ARHGEF4: variants seen among roughly 807,000 people sequenced by gnomAD.
The protein encoded by ARHGEF4 is Rho guanine nucleotide exchange factor 4.
A neutral mutation model predicts 162.0 loss-of-function variants in ARHGEF4; 119 were observed. The observed-to-expected ratio is 0.73, with a 90% CI of 0.63 to 0.86. ARHGEF4 has a LOEUF of 0.86. Among genes scored for constraint, ARHGEF4 ranks in the 40% least tolerant of loss-of-function variants. The pLI is 0.00. For missense variants in ARHGEF4, 2,488 were observed against 2,456.0 expected (o/e 1.01, Z -0.28); for synonymous variants, 1,014 against 979.9 (o/e 1.03, Z -0.65).
chr2:130,994,705 G>A (rs1558823842), intron 4 of ARHGEF4, among the ~76,000 whole-genome samples: 1 of 152,130 alleles, frequency 6.6e-6, no homozygotes, highest in Admixed American at 6.5e-5. Flanking sequence ...GAAACCTAGT[G>A]TTTTCCTTAA....
Position 131,040,270 on chromosome 2 carries a change from C to T in ARHGEF4, c.4492C>T (p.Arg1498Trp), listed in dbSNP as rs1004409437. 6.2e-7 allele frequency: 1 copy of T among 1,612,618 alleles called. No individual in the cohort carries two copies. Among genetic ancestry groups the T allele is most frequent in the Non-Finnish European group, 8.5e-7 (1 of 1,179,602 alleles). ...CCACGTCCGCCCGCAGGGCTACGTC[C>T]GGCAGTGCCGCAAGCGCGCAGACAT... ...HLRDICEGYV[R>W]QCRKRADMFS... Residue 1498 changes from arginine (R) to tryptophan (W), a missense_variant, in exon 8 of 14, where the codon CGG (arginine) becomes TGG (tryptophan). By Grantham distance (101) the Arg-to-Trp change is moderately radical. Around this residue, in one of 6 missense-constraint regions of ARHGEF4, gnomAD observed 415 missense variants for 512.4 expected, o/e 0.81. Transcript: ENST00000409359.
chr2:131,041,166 C>T, intron 8 of ARHGEF4, 64 bp from the exon 9 acceptor site: 5 of 1,484,412 alleles, frequency 3.4e-6, no homozygotes, highest in Non-Finnish European at 1.9e-6. Flanking sequence ...CCTTCCCACA[C>T]ATGCAGCTGG....
chr2:130,852,068 G>C (rs1251152050), intron 1 of ARHGEF4, among the ~76,000 whole-genome samples: 1 of 152,234 alleles, frequency 6.6e-6, no homozygotes, highest in Non-Finnish European at 1.5e-5. Flanking sequence ...TTTACAGTGG[G>C]GGAGATGAGC....
intron 5 of ARHGEF4, among the ~76,000 whole-genome samples, chr2:131,031,880 A>C (rs1211109598): frequency 6.6e-6 from 1 of 152,150 alleles, no homozygotes; most frequent in East Asian, 1.9e-4. Flanking sequence ...CTTTTTCTGA[A>C]GCTAAAGCCA....
intron 1 of ARHGEF4, among the ~76,000 whole-genome samples, chr2:130,890,633 T>A (rs1339502069): frequency 6.6e-6 from 1 of 152,174 alleles, no homozygotes; most frequent in East Asian, 1.9e-4. Flanking sequence ...ACCTATCTTA[T>A]AATTCACTAA....
chr2:130,913,205 T>G (rs1015748551), intron 1 of ARHGEF4, among the ~76,000 whole-genome samples: 9 of 151,404 alleles, frequency 5.9e-5, no homozygotes, highest in African/African-American at 2.2e-4. Context: ...CATTGTGGAG[T>G]TGGAGGGAAG....
intron 1 of ARHGEF4, among the ~76,000 whole-genome samples, chr2:130,908,535 G>A (rs922627829): frequency 1.3e-5 from 2 of 152,148 alleles, no homozygotes; most frequent in African/African-American, 4.8e-5. Context: ...AATTAGCTGG[G>A]CATGGTGGCG....
chr2:130,963,100 C>T (rs1403725345), intron 4 of ARHGEF4, among the ~76,000 whole-genome samples: 1 of 152,228 alleles, frequency 6.6e-6, no homozygotes, highest in African/African-American at 2.4e-5. Flanking sequence ...AAACTCCTGG[C>T]TCCTTGCAGT....
intron 1 of ARHGEF4, among the ~76,000 whole-genome samples, chr2:130,910,344 A>G (rs1372528022): frequency 4.6e-5 from 7 of 152,168 alleles, no homozygotes; most frequent in South Asian, 2.1e-4. Context: ...AACCAAAAGA[A>G]TGCTGGTGTG....
chr2:131,043,349 G>A (rs1014446234), intron 10 of ARHGEF4, 103 bp from the exon 11 acceptor site: 2 of 1,525,208 alleles, frequency 1.3e-6, no homozygotes, highest in Non-Finnish European at 1.8e-6. Flanking sequence ...GGGCGCTGCA[G>A]GCAAGGCCAG....
chr2:130,928,965 C>A (rs943392228), intron 2 of ARHGEF4, among the ~76,000 whole-genome samples: 1 of 152,118 alleles, frequency 6.6e-6, no homozygotes, highest in African/African-American at 2.4e-5. Flanking sequence ...CTCAGAATTC[C>A]CTGGAGGGCA....
chr2:130,976,846 C>A (rs1466483086), intron 4 of ARHGEF4, among the ~76,000 whole-genome samples: 1 of 151,658 alleles, frequency 6.6e-6, no homozygotes, highest in African/African-American at 2.4e-5. Context: ...GTATGTTTGG[C>A]GTGTTTGTGG....
intron 5 of ARHGEF4, among the ~76,000 whole-genome samples, chr2:131,037,184 G>A (rs1344483958): frequency 6.6e-6 from 1 of 152,212 alleles, no homozygotes; most frequent in Non-Finnish European, 1.5e-5. Flanking sequence ...TGGGCTCACA[G>A]GCTCATGTGT....
intron 4 of ARHGEF4, among the ~76,000 whole-genome samples, chr2:130,986,704 G>C (rs887236898): frequency 7.2e-5 from 11 of 152,186 alleles, no homozygotes; most frequent in African/African-American, 2.7e-4. Context: ...GTCGCCCTAA[G>C]CAAGCAGGAT....
intron 4 of ARHGEF4, among the ~76,000 whole-genome samples, chr2:130,948,494 C>T (rs370343596): frequency 1.3e-5 from 2 of 152,346 alleles, no homozygotes; most frequent in African/African-American, 4.8e-5. Context: ...CAGAGAGAAT[C>T]CTCAAAGCTG....
Position 130,914,744 on chromosome 2 carries a change from G to C in ARHGEF4, c.798G>C (p.Gly266=). ...CACTGGACAACACAGCCCCTCTGGGGACCAGGACAAAGAAGGAAAGTACTC... is the reference window on the plus strand; with the variant it reads ...CACTGGACAACACAGCCCCTCTGGGCACCAGGACAAAGAAGGAAAGTACTC... ...RGPLDNTAPL[G]TRTKKESTLG... The change falls in exon 2 of 14, where the codon GGG becomes GGC. Residue 266 remains glycine, a synonymous_variant. Coordinates refer to ENST00000409359, the MANE Select transcript of ARHGEF4 (RefSeq NM_001367493.1). 7.0e-7 allele frequency: 1 copy of C among 1,423,390 alleles called. No individual in the cohort carries two copies. The highest frequency in any genetic ancestry group is 9.1e-7 in the Non-Finnish European group (1 of 1,094,632). The allele number at this position is 1,423,390 out of a possible 1,614,324, so 88.2% of individuals were successfully genotyped here.
intron 1 of ARHGEF4, among the ~76,000 whole-genome samples, chr2:130,840,691 TGCAGGGCACA>T (rs1426435857): frequency 4.6e-5 from 7 of 152,154 alleles, no homozygotes; most frequent in African/African-American, 1.7e-4. Flanking sequence ...ACGAGGTGGA[TGCAGGGCACA>T]GCTCTCGTCA....
chr2:131,045,296 G>A, intron 12 of ARHGEF4, 73 bp from the exon 13 acceptor site: 1 of 1,354,500 alleles, frequency 7.4e-7, no homozygotes, highest in South Asian at 1.3e-5. Context: ...GCACCAGGAA[G>A]GTGCAGGTGT....
At chr2:130,986,102 G>T (rs542864870) in intron 4 of ARHGEF4, among the ~76,000 whole-genome samples, 2 of 152,088 alleles carry the variant, frequency 1.3e-5, no homozygotes, top group South Asian at 4.2e-4. Flanking sequence ...TGTGTCTATT[G>T]TGTGTGCATG....
Sources: allele counts gnomAD v4.1 joint callset (sites outside exome capture counted in the v4.1 genomes callset), GRCh38; gene constraint gnomAD v4.1.1; regional missense constraint gnomAD v4.1.1; transcripts MANE v1.5; gene names NCBI Gene and HGNC (gene_info 2026-07-23, HGNC 2026-07-21).